Variants in ATP10B observed in about 807,000 individuals in gnomAD.
ATP10B encodes phospholipid-transporting ATPase VB.
Under a neutral mutation model 141.2 loss-of-function variants are expected in ATP10B, and 122 were observed. The observed-to-expected ratio is 0.86, with a 90% CI of 0.75 to 1.00. The LOEUF (loss-of-function observed/expected upper bound fraction) is 1.00, where lower values mean the gene tolerates loss of function less well. Ranked by LOEUF, ATP10B falls within the 50% of genes least tolerant of loss-of-function variation. The pLI is 0.00. For synonymous variants in ATP10B, 685 were observed against 692.0 expected (o/e 0.99, Z 0.16); for missense variants, 1,876 against 1,825.3 (o/e 1.03, Z -0.51).
intron 25 of ATP10B, among the ~76,000 whole-genome samples, chr5:160,567,908 G>A (rs1409477432): frequency 6.6e-6 from 1 of 152,168 alleles, no homozygotes; most frequent in Non-Finnish European, 1.5e-5. Context: ...ATAGTCTATT[G>A]GTAGTAGTGG....
intron 18 of ATP10B, among the ~76,000 whole-genome samples, chr5:160,608,148 C>T (rs942839370): frequency 4.6e-5 from 7 of 151,258 alleles, no homozygotes; most frequent in African/African-American, 1.7e-4. Flanking sequence ...TTTCATTGTT[C>T]ACTTCCCACC....
intron 1 of ATP10B, among the ~76,000 whole-genome samples, chr5:160,823,816 AGAGT>A (rs1261892609): frequency 6.6e-6 from 1 of 152,130 alleles, no homozygotes; most frequent in African/African-American, 2.4e-5. Context: ...CCTGGGCGAC[AGAGT>A]GAGACTCCGT....
chr5:160,783,407 T>C (rs1365225256), intron 2 of ATP10B, among the ~76,000 whole-genome samples: 2 of 137,148 alleles, frequency 1.5e-5, no homozygotes, highest in Non-Finnish European at 3.2e-5. Context: ...GATGGATATA[T>C]CTATCCATGG....
chr5:160,684,872 T>C, intron 6 of ATP10B: 2 of 702,664 alleles, frequency 2.8e-6, no homozygotes, highest in Non-Finnish European at 5.2e-6. Context: ...TTGATGACTT[T>C]ATCCGATTTG....
chr5:160,889,667 A>T, the ATP10B span, among the ~76,000 whole-genome samples: 1 of 152,206 alleles, frequency 6.6e-6, no homozygotes, highest in Non-Finnish European at 1.5e-5. Context: ...ACAGTAAATA[A>T]AGACATGTGA....
intron 1 of ATP10B, among the ~76,000 whole-genome samples, chr5:160,813,467 G>C (rs1773325029): frequency 6.6e-6 from 1 of 152,188 alleles, no homozygotes; most frequent in Non-Finnish European, 1.5e-5. Context: ...GGCTTGAGTA[G>C]GTAAACAAAG....
chr5:160,583,136 T>A (rs1339462285), intron 24 of ATP10B, among the ~76,000 whole-genome samples: 1 of 152,192 alleles, frequency 6.6e-6, no homozygotes, highest in Non-Finnish European at 1.5e-5. Flanking sequence ...TGAGGAGTTG[T>A]GATCTTTTGG....
rs956277739 is a variant in ATP10B at position 160,783,013 on chromosome 5, T to C, written c.-331+2546A>G. On this transcript the variant is annotated intron_variant, in intron 2 of 25. Coordinates refer to ENST00000327245, the MANE Select transcript of ATP10B (RefSeq NM_025153.3). ...AGTTGTATGCCTCCTCCAGGAGAAC[T>C]TTTTAATTCAAAGGAAATTTTTTAT... 2.6e-5 allele frequency among the ~76,000 whole-genome samples: 4 copies of C among 152,210 alleles called. No individual in the cohort carries two copies. In the South Asian group the frequency reaches 8.3e-4, roughly 32 times the overall value.
At chr5:160,716,785 C>T in intron 3 of ATP10B, 124 bp downstream of exon 3, 1 of 664,788 alleles carries the variant, frequency 1.5e-6, no homozygotes, top group Non-Finnish European at 1.9e-6. Context: ...TTCCATCATC[C>T]TTAGCTCTGG....
At chr5:160,819,710 G>C (rs190087146) in intron 1 of ATP10B, among the ~76,000 whole-genome samples, 111 of 152,188 alleles carry the variant, frequency 7.3e-4, no homozygotes, top group Non-Finnish European at 1.4e-3. Context: ...GTTTTTATTA[G>C]TTTTCTTTTT....
In ATP10B at chr5:160,811,930, T is replaced by G. The variant is rs140768097; in HGVS notation, c.-575-26127A>C. 7.0e-3 allele frequency among the ~76,000 whole-genome samples: 1,059 copies of G among 151,948 alleles called. 18 individuals carry two copies. The highest frequency in any genetic ancestry group is 0.024 in the African/African-American group (998 of 41,424). ...TGGCTTCATGTCTGACCCAGTGCAG[T>G]CTCAGTGGTGGTGGCCACAGGGGTG... On this transcript the variant is annotated intron_variant, in intron 1 of 25. Transcript: ENST00000327245.
At chr5:160,627,234 C>T (rs1758656806) in intron 13 of ATP10B, among the ~76,000 whole-genome samples, 1 of 152,200 alleles carries the variant, frequency 6.6e-6, no homozygotes, top group South Asian at 2.1e-4. Context: ...GATATAGCTG[C>T]ACCTCTTCTA....
chr5:160,787,666 C>A (rs77809630), intron 1 of ATP10B, among the ~76,000 whole-genome samples: 1 of 152,050 alleles, frequency 6.6e-6, no homozygotes, highest in African/African-American at 2.4e-5. Context: ...CCGTGTCCTG[C>A]GTGGGGGGCA....
At chr5:160,776,325 C>A (rs1770309688) in intron 2 of ATP10B, among the ~76,000 whole-genome samples, 1 of 152,182 alleles carries the variant, frequency 6.6e-6, no homozygotes, top group Admixed American at 6.5e-5. Context: ...TATTTACCTT[C>A]TTGGATTCTG....
chr5:160,785,886 C>T (rs1356729480), intron 1 of ATP10B, 83 bp from the exon 2 acceptor site: 1 of 262,998 alleles, frequency 3.8e-6, no homozygotes, highest in African/African-American at 2.3e-5. Flanking sequence ...TTGCCCTTTT[C>T]TCTTTAACTG....
intron 19 of ATP10B, among the ~76,000 whole-genome samples, chr5:160,604,595 T>C (rs2127629057): frequency 6.6e-6 from 1 of 152,330 alleles, no homozygotes; most frequent in Non-Finnish European, 1.5e-5. Context: ...TATTGTTTTG[T>C]TTCTCAGTGT....
At chr5:160,766,328 G>A (rs1188544089) in intron 2 of ATP10B, among the ~76,000 whole-genome samples, 3 of 139,956 alleles carry the variant, frequency 2.1e-5, no homozygotes, top group African/African-American at 8.0e-5. Flanking sequence ...TCAATGAGTG[G>A]ATAAAGAGAA....
At position 160,620,505 on chromosome 5, in the gene ATP10B, C is replaced by T. The variant is rs757526310; in HGVS notation, c.2258G>A (p.Gly753Asp). The part of the protein sequence containing the change: ...PEQVTVRLPQ[G>D]TCLTFSLLCT... The stretch of plus-strand genomic sequence containing the variant: ...GAGGAGGCTGAAGGTGAGGCAGGTG[C>T]CCTGGGGCAGGCGCACAGTCACCTG... The change falls in exon 15 of 26, where the codon GGC becomes GAC. Residue 753 changes from glycine (G) to aspartate (D), a missense_variant. Coordinates refer to ENST00000327245, the MANE Select transcript of ATP10B (RefSeq NM_025153.3). 3.1e-6 allele frequency: 5 copies of T among 1,613,948 alleles called. No individual in the cohort carries two copies. The highest frequency in any genetic ancestry group is 1.3e-5 in the African/African-American group (1 of 74,934).
chr5:160,658,845 T>A (rs1195656591), intron 7 of ATP10B, among the ~76,000 whole-genome samples: 2 of 152,200 alleles, frequency 1.3e-5, no homozygotes, highest in African/African-American at 4.8e-5. Flanking sequence ...TCATTCCACA[T>A]GAACCTGAGG....
Sources: gnomAD v4.1 joint callset for allele counts (sites outside exome capture counted in the v4.1 genomes callset) on GRCh38, gnomAD v4.1.1 for gene constraint, MANE v1.5 for transcripts, NCBI Gene and HGNC (gene_info 2026-07-23, HGNC 2026-07-21) for gene names.